The following ACOX3 variants were observed in gnomAD, a reference collection of about 807,000 sequenced individuals.
ACOX3 encodes the protein peroxisomal acyl-coenzyme A oxidase 3.
ACOX3 carries 73 observed loss-of-function variants against 81.5 expected under a neutral mutation model. That is an observed-to-expected ratio of 0.90 (90% CI 0.74 to 1.09). The LOEUF is 1.09. Among genes scored for constraint, ACOX3 ranks in the 50% least tolerant of loss-of-function variants. The pLI, the probability that ACOX3 is intolerant of heterozygous loss-of-function variation, is 0.00. For missense variants in ACOX3, 947 were observed against 928.0 expected (o/e 1.02, Z -0.27); for synonymous variants, 387 against 375.1 (o/e 1.03, Z -0.37).
rs1483967539 is a variant in ACOX3, at chr4:8,388,072, T to C, written c.1537+1101A>G. Among the ~76,000 whole-genome samples the C allele has an allele frequency of 3.3e-5, 5 of 152,346 alleles. No individual in the cohort carries two copies. In the East Asian group the frequency reaches 9.6e-4, roughly 29 times the overall value. On this transcript the variant is annotated intron_variant, in intron 13 of 17. Transcript: ENST00000356406. Reference sequence around the variant, plus strand: ...ATTCACAGCAGGGGAACGAGATGCATGCTCACATCGAGATGAGCTCGGCAT... The same window carrying C: ...ATTCACAGCAGGGGAACGAGATGCACGCTCACATCGAGATGAGCTCGGCAT...
intron 1 of ACOX3, among the ~76,000 whole-genome samples, chr4:8,426,122 C>G (rs916613507): frequency 2.6e-5 from 4 of 152,056 alleles, no homozygotes; most frequent in South Asian, 2.1e-4. Flanking sequence ...TGTGCTTGAC[C>G]GAGAGACGGC....
rs182148527 is a variant in ACOX3 at position 8,386,337 on chromosome 4, T to C, written c.1537+2836A>G. On this transcript the variant is annotated intron_variant, in intron 13 of 17. Transcript: ENST00000356406. The surrounding 1 kb of genome is among the most constrained non-coding windows in gnomAD (Gnocchi z 5.2). The stretch of plus-strand genomic sequence containing the variant: ...ATCCCAGCACTTCGGGAGGCCAAGG[T>C]GGGCGGATCACGAGGTCAGGATATC... Among the ~76,000 whole-genome samples, 51 of 152,006 alleles carry C rather than the reference T, an allele frequency of 3.4e-4. No homozygotes were observed. Among genetic ancestry groups the C allele is most frequent in the East Asian group, 5.8e-4 (3 of 5,152 alleles).
intron 1 of ACOX3, among the ~76,000 whole-genome samples, chr4:8,420,698 C>T (rs1431215590): frequency 6.6e-6 from 1 of 152,198 alleles, no homozygotes; most frequent in Admixed American, 6.5e-5. Context: ...ACTGCACACT[C>T]TTCTGGTCCA....
At chr4:8,421,874 C>G (rs759638600) in intron 1 of ACOX3, among the ~76,000 whole-genome samples, 3 of 152,164 alleles carry the variant, frequency 2.0e-5, no homozygotes, top group African/African-American at 7.2e-5. Flanking sequence ...ATGCTCTCCT[C>G]CCCCAATTTC....
rs1197089581 is a variant in ACOX3, at chr4:8,423,287, GCAGGGGC to G, written c.-14-6759_-14-6753del. On this transcript the variant is annotated intron_variant, in intron 1 of 17. Coordinates refer to ENST00000356406, the MANE Select transcript of ACOX3 (RefSeq NM_003501.3). This position sits in a 1 kb window ranked among gnomAD's most constrained non-coding sequence, Gnocchi z 4.2. ...GTTAGGGAGATACATTCTAGCAAAA[GCAGGGGC>G]CATTATACACCTGAACATGGGAGAA... Among the ~76,000 whole-genome samples, 1 of 152,156 alleles carries G rather than the reference GCAGGGGC, an allele frequency of 6.6e-6. No individual in the cohort carries two copies. The highest frequency in any genetic ancestry group is 1.5e-5 in the Non-Finnish European group (1 of 68,016).
In ACOX3 at chr4:8,368,725, A is replaced by G. The variant is rs368724841; in HGVS notation, c.1984-1645T>C. Among the ~76,000 whole-genome samples, 3 of 149,252 alleles carry G rather than the reference A, an allele frequency of 2.0e-5. No homozygotes were observed. Among genetic ancestry groups the G allele is most frequent in the East Asian group, 2.0e-4 (1 of 5,114 alleles). On this transcript the variant is annotated intron_variant, in intron 17 of 17. Coordinates refer to ENST00000356406, the MANE Select transcript of ACOX3 (RefSeq NM_003501.3). The surrounding 1 kb of genome is among the most constrained non-coding windows in gnomAD (Gnocchi z 5.9). ...CACCAGTTCCTTGCAACTGGAAGGA[A>G]TGCACTTTTTTTTTTTTTTTTGAGA... is the stretch of plus-strand genomic sequence containing the variant.
chr4:8,422,945 G>A (rs1274091810), intron 1 of ACOX3, among the ~76,000 whole-genome samples: 2 of 151,992 alleles, frequency 1.3e-5, no homozygotes, highest in Admixed American at 1.3e-4. Flanking sequence ...TGCCCCAGGG[G>A]ATGAAGGTCC....
In ACOX3 at chr4:8,389,863, G is replaced by T; in HGVS notation, c.1301-129C>A. 1 of 1,243,618 alleles carries T rather than the reference G, an allele frequency of 8.0e-7. No individual in the cohort carries two copies. The highest frequency in any genetic ancestry group is 1.1e-6 in the Non-Finnish European group (1 of 896,508). 77.0% of individuals were successfully genotyped at this position (1,243,618 alleles called of 1,614,324 possible). A position where few individuals can be genotyped will look rare whatever the true frequency, so the allele number is the denominator to read the frequency against. ...CTCACACCTGTAATGGCAGCACTTT[G>T]GGGGGCCGAGGCGGGTGGATCACTT... On this transcript the variant is annotated intron_variant, in intron 11 of 17. Transcript: ENST00000356406. The surrounding 1 kb of genome is among the most constrained non-coding windows in gnomAD (Gnocchi z 5.3).
intron 16 of ACOX3, 83 bp downstream of exon 16, chr4:8,373,478 C>G (rs1716522825): frequency 7.7e-6 from 11 of 1,436,068 alleles, no homozygotes; most frequent in Non-Finnish European, 9.6e-6. Context: ...GCGTGTCGGT[C>G]TGGGTGATGC....
chr4:8,425,265 A>G (rs1039028308), intron 1 of ACOX3, among the ~76,000 whole-genome samples: 1 of 152,132 alleles, frequency 6.6e-6, no homozygotes, highest in Non-Finnish European at 1.5e-5. Flanking sequence ...GGGACCCTCC[A>G]TTAGAAATGC....
At chr4:8,375,235 C>G in intron 14 of ACOX3, 83 bp from the exon 15 acceptor site, 1 of 1,369,144 alleles carries the variant, frequency 7.3e-7, no homozygotes, top group Non-Finnish European at 9.8e-7. Context: ...TCAGGAAACA[C>G]GAACGCGGGT....
chr4:8,401,662 C>G (rs1395265238), intron 7 of ACOX3, among the ~76,000 whole-genome samples: 1 of 152,228 alleles, frequency 6.6e-6, no homozygotes, highest in Non-Finnish European at 1.5e-5. Flanking sequence ...TCCCCCCAAG[C>G]TGACCTCCAT....
At chr4:8,408,008 C>T (rs1044763945) in intron 6 of ACOX3, among the ~76,000 whole-genome samples, 10 of 152,168 alleles carry the variant, frequency 6.6e-5, no homozygotes, top group African/African-American at 2.2e-4. Flanking sequence ...TGAGTACTAC[C>T]CAGCCCAAAC....
At chr4:8,422,136 G>C (rs990930725) in intron 1 of ACOX3, among the ~76,000 whole-genome samples, 2 of 151,968 alleles carry the variant, frequency 1.3e-5, no homozygotes, top group Admixed American at 6.6e-5. Context: ...GAGAGGGAAA[G>C]AGAAACAGAG....
chr4:8,375,081 CACGTGCTCGTGGAACCTCTGG>C lies in ACOX3; in HGVS notation c.1704_1724del (p.Gln569_Val575del), dbSNP rs1374957550. ...GCGAGGGCGGCACGGAAGGCTGGTG[CACGTGCTCGTGGAACCTCTGG>C]ACCACCGTGAGCTCCACGAAGGCCA... On this transcript the variant is annotated inframe_deletion, in exon 15 of 18. Transcript: ENST00000356406. The C allele has an allele frequency of 2.6e-6, 4 of 1,554,136 alleles. No homozygotes were observed. The South Asian group carries it at 4.7e-5, about 18-fold the overall frequency.
Position 8,407,505 on chromosome 4 carries a change from C to A in ACOX3, c.688-1462G>T, listed in dbSNP as rs1166885981. Among the ~76,000 whole-genome samples, 1 of 152,156 alleles carries A rather than the reference C, an allele frequency of 6.6e-6. No homozygotes were observed. Among genetic ancestry groups the A allele is most frequent in the African/African-American group, 2.4e-5 (1 of 41,434 alleles). On this transcript the variant is annotated intron_variant, in intron 6 of 17. Transcript: ENST00000356406. This position sits in a 1 kb window ranked among gnomAD's most constrained non-coding sequence, Gnocchi z 4.6. ...CCCTAAAGATTCCTCAATTTCAGACCCCGGCCTCCAGAGTTGGGAGAATAC... is the reference window on the plus strand; with the variant it reads ...CCCTAAAGATTCCTCAATTTCAGACACCGGCCTCCAGAGTTGGGAGAATAC...
rs369299519 is a variant in ACOX3 at position 8,415,864 on chromosome 4, C to G, written c.280G>C (p.Glu94Gln). ...TTCAGAGGGCTCTTGAACATGTCTT[C>G]GACACTGAGGAAGTCATACTCGAAG... ...RIFEYDFLSV[E>Q]DMFKSPLKVP... Residue 94 changes from glutamate (E) to glutamine (Q), a missense_variant, in exon 3 of 18, where the codon GAA becomes CAA. By Grantham distance (29) the Glu-to-Gln change is conservative (BLOSUM62 2). Transcript: ENST00000356406. 19 of 1,614,134 alleles carry G rather than the reference C, an allele frequency of 1.2e-5. No homozygotes were observed. The South Asian group carries it at 2.1e-4, about 18-fold the overall frequency.
In ACOX3 at chr4:8,394,831, A is replaced by C; in HGVS notation, c.1057-89T>G. On this transcript the variant is annotated intron_variant, in intron 9 of 17. Transcript: ENST00000356406. This position sits in a 1 kb window ranked among gnomAD's most constrained non-coding sequence, Gnocchi z 5.9. ...GGACCATGAAAGCCAGTGCAGGGAG[A>C]GGCCGTCAGGGCCACACACCCACTA... The C allele has an allele frequency of 6.7e-7, 1 of 1,502,250 alleles. No individual in the cohort carries two copies. Among genetic ancestry groups the C allele is most frequent in the Non-Finnish European group, 8.9e-7 (1 of 1,118,798 alleles). The allele number at this position is 1,502,250 out of a possible 1,614,324, so 93.1% of individuals were successfully genotyped here. A position where few individuals can be genotyped will look rare whatever the true frequency, so the allele number is the denominator to read the frequency against.
At position 8,368,873 on chromosome 4, in the gene ACOX3, T is replaced by TTTCA. The variant is rs540746028; in HGVS notation, c.1984-1797_1984-1794dup. Reference sequence around the variant, plus strand: ...GTTTTTGTAATTTTTATGGATGGGGTTTCAGTATGTTGCCTAGGCTGGTCT... The same window carrying TTTCA: ...GTTTTTGTAATTTTTATGGATGGGGTTTCATTCAGTATGTTGCCTAGGCTGGTCT... On this transcript the variant is annotated intron_variant, in intron 17 of 17. Coordinates refer to ENST00000356406, the MANE Select transcript of ACOX3 (RefSeq NM_003501.3). The surrounding 1 kb of genome is among the most constrained non-coding windows in gnomAD (Gnocchi z 5.9). 1.3e-5 allele frequency among the ~76,000 whole-genome samples: 2 copies of TTTCA among 151,654 alleles called. No homozygotes were observed. Among genetic ancestry groups the TTTCA allele is most frequent in the South Asian group, 4.2e-4 (2 of 4,788 alleles).
Sources: gnomAD v4.1 joint callset for allele counts (sites outside exome capture counted in the v4.1 genomes callset) on GRCh38, gnomAD v4.1.1 for gene constraint, Gnocchi (gnomAD v3.1) non-coding constraint, MANE v1.5 for transcripts, NCBI Gene and HGNC (gene_info 2026-07-23, HGNC 2026-07-21) for gene names.